The following PROX1 variants were observed in gnomAD, a reference collection of about 807,000 sequenced individuals.
The protein encoded by PROX1 is prospero homeobox protein 1.
Under a neutral mutation model 58.8 loss-of-function variants are expected in PROX1, and 7 were observed. That is an observed-to-expected ratio of 0.12 (90% CI 0.07 to 0.22). The LOEUF (loss-of-function observed/expected upper bound fraction) is 0.22, where lower values mean the gene tolerates loss of function less well. Among genes scored for constraint, PROX1 ranks in the 10% least tolerant of loss-of-function variants. The probability of loss-of-function intolerance (pLI) is 1.00; values close to 1 mark genes in which losing one functional copy is unlikely to be tolerated. For synonymous variants in PROX1, 350 were observed against 358.3 expected (o/e 0.98, Z 0.26); for missense variants, 675 against 927.8 (o/e 0.73, Z 3.54).
rs1261866567 is a variant in PROX1, at chr1:214,039,352, G to T, written c.*3518G>T. On this transcript the variant is annotated 3_prime_UTR_variant, in exon 5 of 5. Coordinates refer to ENST00000366958, the MANE Select transcript of PROX1 (RefSeq NM_001270616.2). Reference sequence around the variant, plus strand: ...CCCACATATTCCTGAAGTTTGCTTTGTGCCTCCGAGTATTATTTAATTAAA... The same window carrying T: ...CCCACATATTCCTGAAGTTTGCTTTTTGCCTCCGAGTATTATTTAATTAAA... 1 of 152,182 alleles carries T rather than the reference G, an allele frequency of 6.6e-6. No individual in the cohort carries two copies. Among genetic ancestry groups the T allele is most frequent in the Middle Eastern group, 3.4e-3 (1 of 294 alleles). 9.4% of individuals were successfully genotyped at this position (152,182 alleles called of 1,614,324 possible). A position where few individuals can be genotyped will look rare whatever the true frequency, so the allele number is the denominator to read the frequency against.
At position 214,040,647 on chromosome 1, in the gene PROX1, A is replaced by G. The variant is rs1443440337; in HGVS notation, c.*4813A>G. On this transcript the variant is annotated 3_prime_UTR_variant, in exon 5 of 5. Coordinates refer to ENST00000366958, the MANE Select transcript of PROX1 (RefSeq NM_001270616.2). ...AACCGTGACAAAACACTGCCTTTATATTATTTAGCAATATGTTGTAAATAG... is the reference window on the plus strand; with the variant it reads ...AACCGTGACAAAACACTGCCTTTATGTTATTTAGCAATATGTTGTAAATAG... The G allele has an allele frequency of 2.0e-5, 3 of 152,188 alleles. No homozygotes were observed. Among genetic ancestry groups the G allele is most frequent in the African/African-American group, 7.2e-5 (3 of 41,460 alleles). 9.4% of individuals were successfully genotyped at this position (152,188 alleles called of 1,614,324 possible). A position where few individuals can be genotyped will look rare whatever the true frequency, so the allele number is the denominator to read the frequency against.
chr1:213,993,093 A>G lies in PROX1; in HGVS notation c.-67-3376A>G, dbSNP rs2116449. On this transcript the variant is annotated intron_variant, in intron 1 of 4. Transcript: ENST00000366958. ...ATGTTAAGATATGCATTGTATAAGA[A>G]TTACTAAAGCATTTGTGTAGGTTAT... Among the ~76,000 whole-genome samples the G allele has an allele frequency of 4.7e-4, 71 of 152,318 alleles. 1 individual carries two copies. The South Asian group carries it at 0.014, about 31-fold the overall frequency.
chr1:213,997,970 A>G lies in PROX1; in HGVS notation c.1435A>G (p.Thr479Ala). ...LSATTGFTTS[T>A]FRHPFPLPLM... ...TGCCACCACGGGCTTCACCACGTCC[A>G]CCTTCCGCCACCCCTTCCCCCTTCC... is the stretch of plus-strand genomic sequence containing the variant. The change falls in exon 2 of 5, where the codon ACC (threonine) becomes GCC (alanine). Residue 479 changes from threonine to alanine, a missense_variant. Physicochemically the swap from Thr to Ala is moderately conservative, Grantham distance 58. Coordinates refer to ENST00000366958, the MANE Select transcript of PROX1 (RefSeq NM_001270616.2). The surrounding 1 kb of genome is among the most constrained non-coding windows in gnomAD (Gnocchi z 7.1). 1.2e-6 allele frequency: 2 copies of G among 1,613,898 alleles called. No individual in the cohort carries two copies. Among genetic ancestry groups the G allele is most frequent in the Non-Finnish European group, 8.5e-7 (1 of 1,179,920 alleles).
At chr1:213,998,703 C>A (rs1267699084) in intron 2 of PROX1, among the ~76,000 whole-genome samples, 1 of 152,150 alleles carries the variant, frequency 6.6e-6, no homozygotes, top group Non-Finnish European at 1.5e-5. Context: ...GTTTTCAGAT[C>A]CCTAAGATCC....
chr1:213,984,858 G>A (rs566979906), upstream of PROX1: 2 of 152,556 alleles, frequency 1.3e-5, no homozygotes, highest in South Asian at 4.1e-4. Context: ...GAATTGGTTT[G>A]TTTAGGATCT....
chr1:213,996,747 G>T lies in PROX1; in HGVS notation c.212G>T (p.Arg71Leu). 6.2e-7 allele frequency: 1 copy of T among 1,614,148 alleles called. No homozygotes were observed. Among genetic ancestry groups the T allele is most frequent in the Non-Finnish European group, 8.5e-7 (1 of 1,180,026 alleles). ...GATGGGGAAAAGTCAAATGTACTCCGCAAGCTGCTGAAGAGGGCGAACTCG... is the reference window on the plus strand; with the variant it reads ...GATGGGGAAAAGTCAAATGTACTCCTCAAGCTGCTGAAGAGGGCGAACTCG... Reference protein sequence around the residue: ...HADGEKSNVLRKLLKRANSYE... With the variant: ...HADGEKSNVLLKLLKRANSYE... The change falls in exon 2 of 5, where the codon CGC becomes CTC. Residue 71 changes from arginine to leucine, a missense_variant. Transcript: ENST00000366958.
At chr1:213,996,406 G>A in intron 1 of PROX1, 63 bp from the exon 2 acceptor site, 1 of 1,122,818 alleles carries the variant, frequency 8.9e-7, no homozygotes, top group Non-Finnish European at 1.2e-6. Context: ...TCAGGATTGA[G>A]GTCAGGAAAT....
chr1:214,005,627 G>A (rs1663682300), intron 3 of PROX1, among the ~76,000 whole-genome samples: 1 of 152,158 alleles, frequency 6.6e-6, no homozygotes, highest in African/African-American at 2.4e-5. Flanking sequence ...AACTGTTTCT[G>A]TTTTTGTTTC....
chr1:213,993,949 A>G (rs4655313), intron 1 of PROX1, among the ~76,000 whole-genome samples: 27,064 of 152,222 alleles, frequency 0.18, 2,492 homozygotes, highest in Admixed American at 0.25. Context: ...GTGAATATCA[A>G]GGGAGTTATA....
Position 214,040,276 on chromosome 1 carries a change from A to G in PROX1, c.*4442A>G, listed in dbSNP as rs571122333. 2 of 152,334 alleles carry G rather than the reference A, an allele frequency of 1.3e-5. No individual in the cohort carries two copies. Among genetic ancestry groups the G allele is most frequent in the South Asian group, 2.1e-4 (1 of 4,834 alleles). 9.4% of individuals were successfully genotyped at this position (152,334 alleles called of 1,614,324 possible). On this transcript the variant is annotated 3_prime_UTR_variant, in exon 5 of 5. Transcript: ENST00000366958. ...TGGTATTTAACCTTTGCATCTTCTT[A>G]TAATTATCCTTCTAAGAATATAACA...
At chr1:214,023,215 C>T (rs1350585067) in intron 4 of PROX1, among the ~76,000 whole-genome samples, 1 of 152,196 alleles carries the variant, frequency 6.6e-6, no homozygotes, top group Admixed American at 6.5e-5. Context: ...CAGTGAAGCC[C>T]TCATGCCATT....
chr1:214,004,339 T>A (rs1663630484), intron 2 of PROX1, among the ~76,000 whole-genome samples: 1 of 152,228 alleles, frequency 6.6e-6, no homozygotes, highest in African/African-American at 2.4e-5. Flanking sequence ...ATCTAAAAGG[T>A]AATGATGTTT....
chr1:214,040,193 T>A lies in PROX1; in HGVS notation c.*4359T>A, dbSNP rs1181491343. 6.6e-6 allele frequency: 1 copy of A among 152,210 alleles called. No homozygotes were observed. Among genetic ancestry groups the A allele is most frequent in the Admixed American group, 6.5e-5 (1 of 15,270 alleles). The allele number at this position is 152,210 out of a possible 1,614,324, so 9.4% of individuals were successfully genotyped here. ...TTTTGTTTTCTGTAGATCTGTTGGT[T>A]GTAAACCATCTATAAAACTAAAGCT... On this transcript the variant is annotated 3_prime_UTR_variant, in exon 5 of 5. Coordinates refer to ENST00000366958, the MANE Select transcript of PROX1 (RefSeq NM_001270616.2).
intron 3 of PROX1, among the ~76,000 whole-genome samples, chr1:214,005,995 A>G (rs1309347363): frequency 2.0e-5 from 3 of 151,734 alleles, no homozygotes; most frequent in Non-Finnish European, 4.4e-5. Flanking sequence ...GGTTTTAAGT[A>G]ATTGTTTGCA....
chr1:213,993,536 CAG>C (rs1242364296), intron 1 of PROX1, among the ~76,000 whole-genome samples: 1 of 152,118 alleles, frequency 6.6e-6, no homozygotes, highest in Non-Finnish European at 1.5e-5. Flanking sequence ...GGTAACGTAA[CAG>C]TACATTTTCT....
upstream of PROX1, among the ~76,000 whole-genome samples, chr1:213,986,827 C>T (rs1441138527): frequency 1.3e-5 from 2 of 152,152 alleles, no homozygotes; most frequent in Non-Finnish European, 2.9e-5. Flanking sequence ...GGCTGAGGCT[C>T]GCTTGCATTT....
chr1:214,006,121 C>T (rs964274466), intron 3 of PROX1, among the ~76,000 whole-genome samples: 2 of 152,100 alleles, frequency 1.3e-5, no homozygotes, highest in African/African-American at 4.8e-5. Flanking sequence ...ACTACATTAG[C>T]TGAGATTAGT....
chr1:214,017,649 C>T (rs1664140206), intron 4 of PROX1, among the ~76,000 whole-genome samples: 1 of 151,766 alleles, frequency 6.6e-6, no homozygotes, highest in African/African-American at 2.4e-5. Flanking sequence ...CAGGCGCACA[C>T]ACAAAAAAAT....
chr1:214,002,412 C>CTTTTTTTTTTTTTTTTTTTTTT (rs774337530), intron 2 of PROX1, among the ~76,000 whole-genome samples: 10 of 116,366 alleles, frequency 8.6e-5, no homozygotes, highest in South Asian at 2.7e-4. Context: ...TTTCTTTTTT[C>CTTTTTTTTTTTTTTTTTTTTTT]TTTTTTTTTT....
Sources: gnomAD v4.1 joint callset for allele counts (sites outside exome capture counted in the v4.1 genomes callset) on GRCh38, gnomAD v4.1.1 for gene constraint, Gnocchi (gnomAD v3.1) non-coding constraint, MANE v1.5 for transcripts, NCBI Gene and HGNC (gene_info 2026-07-23, HGNC 2026-07-21) for gene names.